Variants in FKBP4 observed in about 807,000 individuals in gnomAD.
FKBP4 encodes the protein FKBP prolyl isomerase 4.
In FKBP4, 28 loss-of-function variants were observed where a neutral mutation model predicts 54.1. The ratio of observed to expected loss-of-function variants is 0.52; its 90% CI spans 0.38 to 0.71. The LOEUF (loss-of-function observed/expected upper bound fraction) is 0.71. FKBP4 is among the 30% of genes least tolerant of loss of function. FKBP4 has a pLI of 0.00. For missense variants in FKBP4, 493 were observed against 574.4 expected, an observed-to-expected ratio of 0.86 and a Z score of 1.45; for synonymous variants, 223 against 216.1, an observed-to-expected ratio of 1.03 and a Z score of -0.28.
At position 2,795,057 on chromosome 12, in the gene FKBP4, C is replaced by A. The variant is rs1219861963; in HGVS notation, c.-83C>A. On this transcript the variant is annotated 5_prime_UTR_variant, in exon 1 of 10. Coordinates refer to ENST00000001008, the MANE Select transcript of FKBP4 (RefSeq NM_002014.4). This position sits in a 1 kb window ranked among gnomAD's most constrained non-coding sequence, Gnocchi z 4.3. The stretch of plus-strand genomic sequence containing the variant: ...GCCGCCGCGCCCGGCCTCCCGCACG[C>A]CCCGCAGGTAGCGCCCCCGCCCGCG... The A allele has an allele frequency of 1.2e-6, 1 of 830,948 alleles. No individual in the cohort carries two copies. Among genetic ancestry groups the A allele is most frequent in the Non-Finnish European group, 1.6e-6 (1 of 624,436 alleles). 51.5% of individuals were successfully genotyped at this position (830,948 alleles called of 1,614,324 possible). A position where few individuals can be genotyped will look rare whatever the true frequency, so the allele number is the denominator to read the frequency against.
At position 2,795,047 on chromosome 12, in the gene FKBP4, C is replaced by A; in HGVS notation, c.-93C>A. ...CGCAGTCAGTGCCGCCGCGCCCGGC[C>A]TCCCGCACGCCCCGCAGGTAGCGCC... On this transcript the variant is annotated 5_prime_UTR_variant, in exon 1 of 10. Coordinates refer to ENST00000001008, the MANE Select transcript of FKBP4 (RefSeq NM_002014.4). This position sits in a 1 kb window ranked among gnomAD's most constrained non-coding sequence, Gnocchi z 4.3. 2 of 711,110 alleles carry A rather than the reference C, an allele frequency of 2.8e-6. No individual in the cohort carries two copies. The highest frequency in any genetic ancestry group is 1.9e-6 in the Non-Finnish European group (1 of 519,218). The allele number at this position is 711,110 out of a possible 1,614,324, so 44.1% of individuals were successfully genotyped here. A position where few individuals can be genotyped will look rare whatever the true frequency, so the allele number is the denominator to read the frequency against.
rs534213576 is a variant in FKBP4, at chr12:2,802,090, A to G, written c.1272+734A>G. Among the ~76,000 whole-genome samples, 10 of 152,330 alleles carry G rather than the reference A, an allele frequency of 6.6e-5. No homozygotes were observed. In the South Asian group the frequency reaches 2.1e-3, roughly 32 times the overall value. ...TTACATTGTATTCCATTGTATGGATATGGCTTGTCTTAGTCAATCAGTCCC... is the reference window on the plus strand; with the variant it reads ...TTACATTGTATTCCATTGTATGGATGTGGCTTGTCTTAGTCAATCAGTCCC... On this transcript the variant is annotated intron_variant, in intron 9 of 9. Coordinates refer to ENST00000001008, the MANE Select transcript of FKBP4 (RefSeq NM_002014.4).
At chr12:2,797,581 A>G in intron 2 of FKBP4, 148 bp from the exon 3 acceptor site, 2 of 978,314 alleles carry the variant, frequency 2.0e-6, no homozygotes, top group Non-Finnish European at 3.0e-6. Flanking sequence ...GGTAGCACTT[A>G]ATACAACCAG....
rs773444295 is a variant in FKBP4 at position 2,799,200 on chromosome 12, G to A, written c.627G>A (p.Gln209=). 3.8e-6 allele frequency: 6 copies of A among 1,574,422 alleles called. No individual in the cohort carries two copies. The highest frequency in any genetic ancestry group is 1.4e-5 in the African/African-American group (1 of 73,286). The part of the protein sequence containing the change: ...DLPYGLERAI[Q]RMEKGEHSIV... ...CTTATGGTCTGGAGAGGGCCATTCA[G>A]CGCATGGAGAAAGGAGAACATTCCA... Residue 209 remains glutamine, a synonymous_variant, in exon 5 of 10, where the codon CAG becomes CAA. Transcript: ENST00000001008.
At chr12:2,801,756 AAAAAG>A (rs1367432069) in intron 9 of FKBP4, 2 of 360,536 alleles carry the variant, frequency 5.5e-6, no homozygotes, top group Non-Finnish European at 1.1e-5. Context: ...CCCATCTCAA[AAAAAG>A]AAAAGCGAGA....
Position 2,795,883 on chromosome 12 carries a change from C to A in FKBP4, c.105+639C>A. The A allele has an allele frequency of 1.1e-6, 1 of 920,498 alleles. No individual in the cohort carries two copies. The highest frequency in any genetic ancestry group is 1.3e-6 in the Non-Finnish European group (1 of 769,542). The allele number at this position is 920,498 out of a possible 1,614,324, so 57.0% of individuals were successfully genotyped here. The stretch of plus-strand genomic sequence containing the variant: ...ACTCGCCGCGCGGCGCCCCCTCCCT[C>A]GGCCCCGGGGAGGCCGGGCGCGGGG... On this transcript the variant is annotated intron_variant, in intron 1 of 9. Transcript: ENST00000001008. This position sits in a 1 kb window ranked among gnomAD's most constrained non-coding sequence, Gnocchi z 4.3.
At position 2,805,083 on chromosome 12, in the gene FKBP4, C is replaced by G. The variant is rs1455234226; in HGVS notation, c.*1825C>G. ...AAGCATTTATGGAGTAAGCCTAGCA[C>G]TGTACTGACAGCATCACATGAGTGA... On this transcript the variant is annotated 3_prime_UTR_variant, in exon 10 of 10. Transcript: ENST00000001008. 9.0e-6 allele frequency: 4 copies of G among 443,660 alleles called. No individual in the cohort carries two copies. Among genetic ancestry groups the G allele is most frequent in the Non-Finnish European group, 1.8e-5 (4 of 221,592 alleles). The allele number at this position is 443,660 out of a possible 1,614,324, so 27.5% of individuals were successfully genotyped here.
intron 8 of FKBP4, 90 bp downstream of exon 8, chr12:2,800,667 G>C (rs746107167): frequency 2.1e-4 from 276 of 1,331,982 alleles, no homozygotes; most frequent in Non-Finnish European, 2.7e-4. Flanking sequence ...TTGGTGACTA[G>C]GGCAGGGATA....
At chr12:2,796,858 G>A in intron 1 of FKBP4, 2 of 1,229,080 alleles carry the variant, frequency 1.6e-6, no homozygotes, top group Non-Finnish European at 2.0e-6. Flanking sequence ...ATAAAGTGTG[G>A]AGAATTTTAA....
At chr12:2,796,793 T>G in intron 1 of FKBP4, 1 of 1,083,076 alleles carries the variant, frequency 9.2e-7, no homozygotes. Flanking sequence ...AACCTTTTAC[T>G]GGTCTAATCT....
rs2097902686 is a variant in FKBP4, at chr12:2,797,755, G to C, written c.277G>C (p.Ala93Pro). 6.2e-7 allele frequency: 1 copy of C among 1,613,734 alleles called. No individual in the cohort carries two copies. Among genetic ancestry groups the C allele is most frequent in the Non-Finnish European group, 8.5e-7 (1 of 1,179,764 alleles). ...KGEVIKAWDIAIATMKVGEVC... is the reference protein window; with the variant it reads ...KGEVIKAWDIPIATMKVGEVC... The stretch of plus-strand genomic sequence containing the variant: ...GGAGGTCATCAAGGCTTGGGACATT[G>C]CCATAGCCACCATGAAGGTGGGGGA... The change falls in exon 3 of 10, where the codon GCC (alanine) becomes CCC (proline). Residue 93 changes from alanine (A) to proline (P), a missense_variant. Coordinates refer to ENST00000001008, the MANE Select transcript of FKBP4 (RefSeq NM_002014.4).
At chr12:2,801,911 A>T (rs1457802666) in intron 9 of FKBP4, 1 of 163,768 alleles carries the variant, frequency 6.1e-6, no homozygotes, top group Non-Finnish European at 1.3e-5. Flanking sequence ...GCGTCAAGGC[A>T]CAGGCAGACG....
chr12:2,796,064 C>G (rs561196547), intron 1 of FKBP4: 1 of 1,183,140 alleles, frequency 8.5e-7, no homozygotes, highest in Non-Finnish European at 1.1e-6. Flanking sequence ...GGCATCTTGA[C>G]CTGGGCCAGG....
chr12:2,805,324 G>T lies in FKBP4; in HGVS notation c.*2066G>T. 2 of 365,406 alleles carry T rather than the reference G, an allele frequency of 5.5e-6. No individual in the cohort carries two copies. Among genetic ancestry groups the T allele is most frequent in the South Asian group, 4.1e-5 (2 of 48,606 alleles). The allele number at this position is 365,406 out of a possible 1,614,324, so 22.6% of individuals were successfully genotyped here. On this transcript the variant is annotated 3_prime_UTR_variant, in exon 10 of 10. Coordinates refer to ENST00000001008, the MANE Select transcript of FKBP4 (RefSeq NM_002014.4). ...TTTCTTCCAGCTCTGCATCCTGTAG[G>T]ATTCCAAGAATGTAAAACTGCATGT...
At chr12:2,797,341 C>G (rs2097902422) in intron 2 of FKBP4, 59 bp downstream of exon 2, 2 of 1,595,968 alleles carry the variant, frequency 1.3e-6, no homozygotes, top group Non-Finnish European at 1.7e-6. Flanking sequence ...CTGTCACAAG[C>G]AGAAACCATT....
chr12:2,798,803 C>T lies in FKBP4; in HGVS notation c.491C>T (p.Pro164Leu), dbSNP rs539950609. 6.2e-7 allele frequency: 1 copy of T among 1,614,114 alleles called. No homozygotes were observed. The highest frequency in any genetic ancestry group is 8.5e-7 in the Non-Finnish European group (1 of 1,180,026). ...ACTCGCGGTGAAGGCTATGCTAAGC[C>T]CAATGAGGGTGCTATCGTGGAGGGT... is the stretch of plus-strand genomic sequence containing the variant. ...IQTRGEGYAK[P>L]NEGAIVEVAL... Residue 164 changes from proline (P) to leucine (L), a missense_variant, in exon 4 of 10, where the codon CCC (proline) becomes CTC (leucine). By Grantham distance (98) the Pro-to-Leu change is moderately conservative. Coordinates refer to ENST00000001008, the MANE Select transcript of FKBP4 (RefSeq NM_002014.4). This position sits in a 1 kb window ranked among gnomAD's most constrained non-coding sequence, Gnocchi z 4.3.
rs2097900999 is a variant in FKBP4 at position 2,795,257 on chromosome 12, G to T, written c.105+13G>T. 7 of 1,295,310 alleles carry T rather than the reference G, an allele frequency of 5.4e-6. No individual in the cohort carries two copies. The highest frequency in any genetic ancestry group is 3.0e-5 in the East Asian group (1 of 33,048). 80.2% of individuals were successfully genotyped at this position (1,295,310 alleles called of 1,614,324 possible). A position where few individuals can be genotyped will look rare whatever the true frequency, so the allele number is the denominator to read the frequency against. On this transcript the variant is annotated intron_variant, in intron 1 of 9. Coordinates refer to ENST00000001008, the MANE Select transcript of FKBP4 (RefSeq NM_002014.4). This position sits in a 1 kb window ranked among gnomAD's most constrained non-coding sequence, Gnocchi z 4.3. Reference sequence around the variant, plus strand: ...AGGCGTGCTGAAGGTGAGGGGCGGCGGGGCCTGCGGAGGCGTCGGAACCCG... The same window carrying T: ...AGGCGTGCTGAAGGTGAGGGGCGGCTGGGCCTGCGGAGGCGTCGGAACCCG...
In FKBP4 at chr12:2,795,272, G is replaced by A. The variant is rs764805865; in HGVS notation, c.105+28G>A. The A allele has an allele frequency of 9.0e-6, 11 of 1,223,162 alleles. No individual in the cohort carries two copies. In the Middle Eastern group the frequency reaches 9.8e-4, roughly 109 times the overall value. The allele number at this position is 1,223,162 out of a possible 1,614,324, so 75.8% of individuals were successfully genotyped here. A position where few individuals can be genotyped will look rare whatever the true frequency, so the allele number is the denominator to read the frequency against. ...GAGGGGCGGCGGGGCCTGCGGAGGC[G>A]TCGGAACCCGGGGCCCCGCGGGCCG... is the stretch of plus-strand genomic sequence containing the variant. On this transcript the variant is annotated intron_variant, in intron 1 of 9. Transcript: ENST00000001008. The surrounding 1 kb of genome is among the most constrained non-coding windows in gnomAD (Gnocchi z 4.3).
chr12:2,796,292 C>T, intron 1 of FKBP4: 1 of 1,289,232 alleles, frequency 7.8e-7, no homozygotes, highest in Non-Finnish European at 1.0e-6. Flanking sequence ...GCGTCTGCTC[C>T]AGCGGCTCTC....
Sources: allele counts gnomAD v4.1 joint callset (sites outside exome capture counted in the v4.1 genomes callset), GRCh38; gene constraint gnomAD v4.1.1; non-coding constraint Gnocchi (gnomAD v3.1); transcripts MANE v1.5; gene names NCBI Gene and HGNC (gene_info 2026-07-23, HGNC 2026-07-21).